Variants in TMSB15B observed in about 807,000 individuals in gnomAD.
TMSB15B encodes thymosin beta 15B, also known as thymosin beta-15B.
At chrX:103,953,977 T>C (rs1592279) in intron 1 of TMSB15B, among the ~76,000 whole-genome samples, 2,204 of 111,484 alleles carry the variant, frequency 0.02, 69 homozygotes, top group East Asian at 0.11. Context: ...CGACACACCC[T>C]CCATTGCTTG....
intron 1 of TMSB15B, among the ~76,000 whole-genome samples, chrX:103,955,085 T>G (rs1299677843): frequency 1.6e-4 from 18 of 110,913 alleles, no homozygotes; most frequent in African/African-American, 5.3e-4. Context: ...GATGGATGAA[T>G]CCACCTTATA....
intron 1 of TMSB15B, among the ~76,000 whole-genome samples, chrX:103,944,574 T>G (rs1556326697): frequency 1.8e-5 from 2 of 111,426 alleles, no homozygotes; most frequent in African/African-American, 6.5e-5. Flanking sequence ...GAAGATAGTT[T>G]GGGACAATAT....
At position 103,945,959 on chromosome X, in the gene TMSB15B, T is replaced by A. The variant is rs782025577; in HGVS notation, c.-720-16062T>A. ...TATGAGATTGTACTAAAGGAAATTT[T>A]ATAAAAATCAGAAAGTGGAGGAATA... On this transcript the variant is annotated intron_variant, in intron 1 of 3. Transcript: ENST00000419165. 1.2e-4 allele frequency among the ~76,000 whole-genome samples: 13 copies of A among 112,411 alleles called. No individual in the cohort carries two copies. The South Asian group carries it at 4.8e-3, about 42-fold the overall frequency.
At chrX:103,919,259 G>C (rs1207444153) in exon 1 of TMSB15B, 1 of 112,682 alleles carries the variant, frequency 8.9e-6, no homozygotes, top group African/African-American at 3.2e-5. Context: ...AGTGGAGCTC[G>C]GACGCACGGA....
At chrX:103,935,581 C>T (rs1263012217) in intron 1 of TMSB15B, among the ~76,000 whole-genome samples, 2 of 111,376 alleles carry the variant, frequency 1.8e-5, no homozygotes, top group Non-Finnish European at 3.8e-5. Flanking sequence ...TTTCCCAACA[C>T]CATTTATTAA....
At chrX:103,926,954 G>T (rs2074969983) in intron 1 of TMSB15B, among the ~76,000 whole-genome samples, 1 of 110,015 alleles carries the variant, frequency 9.1e-6, no homozygotes, top group Admixed American at 9.7e-5. Context: ...TCTGGCTGCT[G>T]CACCCCCTGT....
At chrX:103,934,535 C>T (rs1365011913) in intron 1 of TMSB15B, among the ~76,000 whole-genome samples, 1 of 110,383 alleles carries the variant, frequency 9.1e-6, no homozygotes, top group Non-Finnish European at 1.9e-5. Flanking sequence ...GTTCCCCTCC[C>T]TGTGCCCATA....
intron 1 of TMSB15B, among the ~76,000 whole-genome samples, chrX:103,935,391 G>A (rs1213877550): frequency 8.9e-6 from 1 of 111,760 alleles, no homozygotes; most frequent in Non-Finnish European, 1.9e-5. Flanking sequence ...ATTGCTTTTT[G>A]CATTTTAGTC....
intron 1 of TMSB15B, among the ~76,000 whole-genome samples, chrX:103,927,662 GTTTTTTTT>G (rs1157847043): frequency 4.9e-5 from 4 of 80,893 alleles, no homozygotes; most frequent in South Asian, 6.4e-4. Flanking sequence ...ATAGTGCCAG[GTTTTTTTT>G]TTTTTTTTTT....
At chrX:103,937,063 C>T (rs1429336590) in intron 1 of TMSB15B, among the ~76,000 whole-genome samples, 3 of 111,815 alleles carry the variant, frequency 2.7e-5, no homozygotes, top group Non-Finnish European at 3.8e-5. Context: ...TTGCTGGATT[C>T]GGTTTGCCAG....
At chrX:103,935,682 G>T (rs782694931) in intron 1 of TMSB15B, among the ~76,000 whole-genome samples, 4 of 110,650 alleles carry the variant, frequency 3.6e-5, no homozygotes, top group South Asian at 7.8e-4. Flanking sequence ...CCTCTGCTCT[G>T]TTCCATTGGT....
In TMSB15B at chrX:103,933,236, G is replaced by A. The variant is rs781894849; in HGVS notation, c.-721+13944G>A. ...TATAAAAAGCTTTCATAAAATAATA[G>A]GATAAAAATACTGTATTTCTCTAGT... On this transcript the variant is annotated intron_variant, in intron 1 of 3. Transcript: ENST00000419165. Among the ~76,000 whole-genome samples the A allele has an allele frequency of 3.6e-5, 4 of 111,290 alleles. 1 individual carries two copies. Among genetic ancestry groups the A allele is most frequent in the Non-Finnish European group, 7.6e-5 (4 of 52,949 alleles).
intron 1 of TMSB15B, among the ~76,000 whole-genome samples, chrX:103,927,865 A>G (rs149778111): frequency 0.057 from 6,284 of 110,923 alleles, 203 homozygotes; most frequent in Non-Finnish European, 0.084. Flanking sequence ...CTGTCCAGAA[A>G]AACCGATTGC....
chrX:103,944,881 C>T (rs782301765), intron 1 of TMSB15B, among the ~76,000 whole-genome samples: 124 of 111,995 alleles, frequency 1.1e-3, no homozygotes, highest in South Asian at 3.4e-3. Context: ...TGGGTTCAAG[C>T]GATTCTCCTG....
chrX:103,920,022 C>T (rs1210741835), intron 1 of TMSB15B, among the ~76,000 whole-genome samples: 3 of 111,515 alleles, frequency 2.7e-5, no homozygotes, highest in Non-Finnish European at 3.8e-5. Flanking sequence ...CTTTATGGTG[C>T]CCATTGTACA....
At chrX:103,939,545 T>G (rs1399205089) in intron 1 of TMSB15B, among the ~76,000 whole-genome samples, 7 of 110,865 alleles carry the variant, frequency 6.3e-5, no homozygotes, top group African/African-American at 2.3e-4. Context: ...TTATTCTAGT[T>G]GGCAATTCCT....
At chrX:103,930,795 G>A (rs2074983058) in intron 1 of TMSB15B, among the ~76,000 whole-genome samples, 1 of 108,674 alleles carries the variant, frequency 9.2e-6, no homozygotes, top group African/African-American at 3.3e-5. Flanking sequence ...ACATTTGATG[G>A]GTTTGTGTTA....
chrX:103,943,060 T>C (rs1556326015), intron 1 of TMSB15B, among the ~76,000 whole-genome samples: 1 of 111,730 alleles, frequency 9.0e-6, no homozygotes, highest in East Asian at 2.8e-4. Flanking sequence ...TTTATTATGA[T>C]AATGGAGATG....
At chrX:103,945,825 G>T (rs1479620563) in intron 1 of TMSB15B, among the ~76,000 whole-genome samples, 1 of 111,930 alleles carries the variant, frequency 8.9e-6, no homozygotes, top group African/African-American at 3.2e-5. Context: ...GGAATTCAGC[G>T]ATCAATTAGA....
Sources: gnomAD v4.1 joint callset for allele counts (sites outside exome capture counted in the v4.1 genomes callset) on GRCh38, gnomAD v4.1.1 for gene constraint, MANE v1.5 for transcripts, NCBI Gene and HGNC (gene_info 2026-07-23, HGNC 2026-07-21) for gene names.